LINGO2: variants seen among roughly 807,000 people sequenced by gnomAD.
LINGO2 encodes the protein leucine rich repeat and Ig domain containing 2.
LINGO2 carries 14 observed loss-of-function variants against 30.6 expected under a neutral mutation model. The observed-to-expected ratio is 0.46, with a 90% CI of 0.30 to 0.72. The LOEUF (loss-of-function observed/expected upper bound fraction) is 0.72, where lower values mean the gene tolerates loss of function less well. LINGO2 is among the 30% of genes least tolerant of loss of function. The pLI, the probability that LINGO2 is intolerant of heterozygous loss-of-function variation, is 0.07. For missense variants in LINGO2, 729 were observed against 751.7 expected (o/e 0.97, Z 0.35); for synonymous variants, 317 against 288.5 (o/e 1.10, Z -1.00).
At chr9:28,161,340 T>C (rs1488121060) in intron 4 of LINGO2, among the ~76,000 whole-genome samples, 1 of 152,154 alleles carries the variant, frequency 6.6e-6, no homozygotes, top group East Asian at 1.9e-4. Flanking sequence ...AAATAATGGT[T>C]GGCAATGAAA....
the LINGO2 span, among the ~76,000 whole-genome samples, chr9:28,824,896 A>C: frequency 9.2e-5 from 14 of 152,280 alleles, no homozygotes; most frequent in Non-Finnish European, 1.6e-4. Context: ...CTTAAGCAAA[A>C]ACTTGATCTC....
chr9:28,447,359 CACCATGTGAGGACACAACTAGAAGGT>C (rs1221040991), intron 2 of LINGO2, among the ~76,000 whole-genome samples: 1 of 152,172 alleles, frequency 6.6e-6, no homozygotes, highest in Non-Finnish European at 1.5e-5. Context: ...TTTGCCCTTC[CACCATGTGAGGACACAACTAGAAGGT>C]ACCATGTGCG....
chr9:29,188,321 G>A, the LINGO2 span, among the ~76,000 whole-genome samples: 11 of 151,884 alleles, frequency 7.2e-5, no homozygotes, highest in African/African-American at 2.4e-4. Flanking sequence ...GTTTCAGAGA[G>A]CACAGGGTTG....
chr9:28,658,348 T>G (rs900773437), intron 1 of LINGO2, among the ~76,000 whole-genome samples: 2 of 152,044 alleles, frequency 1.3e-5, no homozygotes, highest in African/African-American at 4.8e-5. Context: ...TCAAGTCTCC[T>G]ACTATTATTG....
At chr9:28,998,862 T>G in the LINGO2 span, among the ~76,000 whole-genome samples, 2 of 151,920 alleles carry the variant, frequency 1.3e-5, no homozygotes, top group African/African-American at 4.8e-5. Flanking sequence ...AGCACAGGTC[T>G]AGGGACAGTA....
chr9:29,187,579 T>C, the LINGO2 span, among the ~76,000 whole-genome samples: 1 of 152,170 alleles, frequency 6.6e-6, no homozygotes, highest in Admixed American at 6.5e-5. Flanking sequence ...CCAACACTAA[T>C]AGAATTTTAC....
chr9:28,726,690 G>A, the LINGO2 span, among the ~76,000 whole-genome samples: 1 of 152,062 alleles, frequency 6.6e-6, no homozygotes, highest in Non-Finnish European at 1.5e-5. Flanking sequence ...AATAAGTAAG[G>A]CTGGTATTCT....
intron 5 of LINGO2, among the ~76,000 whole-genome samples, chr9:27,966,041 G>GT (rs1472086360): frequency 1.3e-5 from 2 of 151,926 alleles, no homozygotes; most frequent in East Asian, 3.9e-4. Context: ...AAATGTGATC[G>GT]TGTACATAAA....
chr9:28,421,809 A>T (rs1268618472), intron 2 of LINGO2, among the ~76,000 whole-genome samples: 1 of 152,096 alleles, frequency 6.6e-6, no homozygotes, highest in Non-Finnish European at 1.5e-5. Context: ...TCCTTGCATA[A>T]ATACAGGCAT....
chr9:28,735,543 ATTATC>A, the LINGO2 span, among the ~76,000 whole-genome samples: 3 of 152,192 alleles, frequency 2.0e-5, no homozygotes, highest in South Asian at 6.2e-4. Context: ...AGTTATTATA[ATTATC>A]TTAAGTTATT....
the LINGO2 span, among the ~76,000 whole-genome samples, chr9:29,083,867 G>A: frequency 3.3e-5 from 5 of 152,088 alleles, no homozygotes; most frequent in African/African-American, 1.2e-4. Context: ...GCAATAAAAG[G>A]ATCAGCCATA....
At chr9:28,952,170 T>C in the LINGO2 span, among the ~76,000 whole-genome samples, 2 of 152,070 alleles carry the variant, frequency 1.3e-5, no homozygotes, top group African/African-American at 4.8e-5. Flanking sequence ...GGTCACTTGG[T>C]ACAGGAAAAA....
the LINGO2 span, among the ~76,000 whole-genome samples, chr9:29,192,928 C>A: frequency 1.3e-5 from 2 of 152,230 alleles, no homozygotes; most frequent in Non-Finnish European, 2.9e-5. Context: ...CATTACAGGA[C>A]TGACAGGCGT....
chr9:29,037,367 T>A, the LINGO2 span, among the ~76,000 whole-genome samples: 1 of 151,964 alleles, frequency 6.6e-6, no homozygotes, highest in East Asian at 1.9e-4. Flanking sequence ...TCAATTTGTA[T>A]TATGTGTATT....
chr9:28,210,710 G>A (rs569876655), intron 4 of LINGO2, among the ~76,000 whole-genome samples: 1 of 151,706 alleles, frequency 6.6e-6, no homozygotes, highest in African/African-American at 2.4e-5. Context: ...TGTAAAACTG[G>A]TAGAGTTTTA....
the LINGO2 span, among the ~76,000 whole-genome samples, chr9:28,777,913 C>G: frequency 6.6e-6 from 1 of 152,238 alleles, no homozygotes; most frequent in East Asian, 1.9e-4. Flanking sequence ...CTTTTTCTGA[C>G]AGCACATCCC....
the LINGO2 span, among the ~76,000 whole-genome samples, chr9:28,995,038 G>A: frequency 6.6e-6 from 1 of 151,960 alleles, no homozygotes; most frequent in East Asian, 1.9e-4. Context: ...TTAAACTAAA[G>A]AGCTTCTGCA....
the LINGO2 span, among the ~76,000 whole-genome samples, chr9:29,009,781 A>G: frequency 6.6e-6 from 1 of 152,142 alleles, no homozygotes; most frequent in African/African-American, 2.4e-5. Flanking sequence ...TTCAAACTAT[A>G]CTACAAGGCT....
the LINGO2 span, among the ~76,000 whole-genome samples, chr9:28,815,652 G>C: frequency 1.3e-5 from 2 of 152,082 alleles, no homozygotes; most frequent in Admixed American, 1.3e-4. Context: ...ACCAGCACTA[G>C]TACCAATACA....
Sources: gnomAD v4.1 joint callset for allele counts (sites outside exome capture counted in the v4.1 genomes callset) on GRCh38, gnomAD v4.1.1 for gene constraint, MANE v1.5 for transcripts, NCBI Gene and HGNC (gene_info 2026-07-23, HGNC 2026-07-21) for gene names.